Variants in MACROD2 observed in about 807,000 individuals in gnomAD.
MACROD2 encodes ADP-ribose glycohydrolase MACROD2.
MACROD2 carries 36 observed loss-of-function variants against 70.4 expected under a neutral mutation model. The observed-to-expected ratio is 0.51, with a 90% confidence interval of 0.39 to 0.68. The LOEUF is 0.68. Ranked by LOEUF, MACROD2 falls within the 30% of genes least tolerant of loss-of-function variation. The probability of loss-of-function intolerance (pLI) is 0.00; values close to 1 mark genes in which losing one functional copy is unlikely to be tolerated. For missense variants in MACROD2, 496 were observed against 538.4 expected (o/e 0.92, Z 0.78); for synonymous variants, 172 against 178.8 (o/e 0.96, Z 0.30).
At chr20:15,116,024 G>T (rs910496824) in intron 5 of MACROD2, among the ~76,000 whole-genome samples, 1 of 152,170 alleles carries the variant, frequency 6.6e-6, no homozygotes, top group African/African-American at 2.4e-5. Context: ...AAAGTAGAGA[G>T]AAGTACAATT....
chr20:15,556,999 T>C (rs762799273), intron 8 of MACROD2, among the ~76,000 whole-genome samples: 1 of 152,158 alleles, frequency 6.6e-6, no homozygotes, highest in Non-Finnish European at 1.5e-5. Flanking sequence ...AGCTTGACCA[T>C]TGCAAGTAGG....
At chr20:15,663,490 C>T (rs8115945) in intron 8 of MACROD2, among the ~76,000 whole-genome samples, 10,268 of 152,004 alleles carry the variant, frequency 0.068, 619 homozygotes, top group African/African-American at 0.16. Context: ...CCCACCTCGG[C>T]CTCCCAAAGT....
At chr20:15,227,349 C>T (rs1767912949) in intron 5 of MACROD2, among the ~76,000 whole-genome samples, 1 of 151,930 alleles carries the variant, frequency 6.6e-6, no homozygotes, top group African/African-American at 2.4e-5. Context: ...CTTTCTCTCC[C>T]TTATCCCTCC....
intron 3 of MACROD2, among the ~76,000 whole-genome samples, chr20:14,385,280 A>G (rs2083457850): frequency 6.6e-6 from 1 of 152,162 alleles, no homozygotes; most frequent in Admixed American, 6.5e-5. Context: ...TTAGTTATAC[A>G]TGTTATATAC....
intron 5 of MACROD2, among the ~76,000 whole-genome samples, chr20:14,910,039 C>A (rs1438688013): frequency 6.6e-6 from 1 of 152,174 alleles, no homozygotes; most frequent in East Asian, 1.9e-4. Context: ...TTAGCCTCAT[C>A]AAAGTCTCAC....
At chr20:14,980,181 A>G (rs1727666313) in intron 5 of MACROD2, among the ~76,000 whole-genome samples, 1 of 152,190 alleles carries the variant, frequency 6.6e-6, no homozygotes, top group South Asian at 2.1e-4. Flanking sequence ...ATGGGGCCTT[A>G]AAAAGGTTAA....
At chr20:15,315,961 CTATT>C (rs2077805418) in intron 6 of MACROD2, among the ~76,000 whole-genome samples, 2 of 151,762 alleles carry the variant, frequency 1.3e-5, no homozygotes, top group South Asian at 2.1e-4. Flanking sequence ...CTCTTTTTAT[CTATT>C]GAAGCTAAAT....
chr20:14,548,918 T>G (rs1416349122), intron 4 of MACROD2, among the ~76,000 whole-genome samples: 1 of 152,126 alleles, frequency 6.6e-6, no homozygotes, highest in Non-Finnish European at 1.5e-5. Context: ...ACTGGGGAAC[T>G]CTGCACGTGC....
chr20:15,547,178 A>G (rs1568883568), intron 8 of MACROD2, among the ~76,000 whole-genome samples: 1 of 152,180 alleles, frequency 6.6e-6, no homozygotes, highest in African/African-American at 2.4e-5. Context: ...CCTCAAACCA[A>G]TATCTCAGAT....
At position 16,049,942 on chromosome 20, in the gene MACROD2, G is replaced by C; in HGVS notation, c.*66G>C. Reference sequence around the variant, plus strand: ...GCTCGGGAAGATAGCAGCACACGCTGTGGAGGAGGGTGGGGGTGGGGGGAA... The same window carrying C: ...GCTCGGGAAGATAGCAGCACACGCTCTGGAGGAGGGTGGGGGTGGGGGGAA... On this transcript the variant is annotated 3_prime_UTR_variant, in exon 18 of 18. Coordinates refer to ENST00000684519, the MANE Select transcript of MACROD2 (RefSeq NM_001351661.2). 2.0e-6 allele frequency: 2 copies of C among 1,003,740 alleles called. No homozygotes were observed. Among genetic ancestry groups the C allele is most frequent in the Non-Finnish European group, 3.0e-6 (2 of 666,952 alleles). 62.2% of individuals were successfully genotyped at this position (1,003,740 alleles called of 1,614,324 possible).
At position 14,638,362 on chromosome 20, in the gene MACROD2, A is replaced by AT. The variant is rs1212395219; in HGVS notation, c.302-46471dup. Among the ~76,000 whole-genome samples the AT allele has an allele frequency of 6.4e-4, 96 of 150,264 alleles. 1 individual carries two copies. Among genetic ancestry groups the AT allele is most frequent in the Admixed American group, 2.8e-3 (43 of 15,116 alleles). On this transcript the variant is annotated intron_variant, in intron 4 of 17. Transcript: ENST00000684519. ...AGAAAGTCTTTTAAACAGTCCTGGG[A>AT]TTTTTTTTTTCTGCTGCTATCTAGT...
At chr20:14,677,665 G>A (rs977030382) in intron 4 of MACROD2, among the ~76,000 whole-genome samples, 1 of 152,118 alleles carries the variant, frequency 6.6e-6, no homozygotes, top group African/African-American at 2.4e-5. Context: ...TGACCTCAGT[G>A]TTCACCCCAA....
intron 5 of MACROD2, among the ~76,000 whole-genome samples, chr20:15,010,194 T>C (rs1338954249): frequency 1.3e-5 from 2 of 152,196 alleles, no homozygotes; most frequent in Non-Finnish European, 2.9e-5. Flanking sequence ...TCGGACTAAA[T>C]AAATAGCATT....
At chr20:15,250,749 C>T (rs767438370) in intron 6 of MACROD2, among the ~76,000 whole-genome samples, 1 of 152,090 alleles carries the variant, frequency 6.6e-6, no homozygotes, top group Non-Finnish European at 1.5e-5. Flanking sequence ...TCTTCTCTTC[C>T]TTGGGAAAAA....
chr20:15,705,297 T>C (rs2146904364), intron 8 of MACROD2, among the ~76,000 whole-genome samples: 1 of 152,218 alleles, frequency 6.6e-6, no homozygotes, highest in South Asian at 2.1e-4. Flanking sequence ...AGGATTCAGG[T>C]ATTGGTATTT....
chr20:14,789,462 T>TCG (rs60364081), intron 5 of MACROD2, among the ~76,000 whole-genome samples: 3 of 84,908 alleles, frequency 3.5e-5, no homozygotes, highest in African/African-American at 1.5e-4. Flanking sequence ...TAGTGCAAAT[T>TCG]TTTTTTTTTT....
At chr20:14,719,081 G>C (rs893200316) in intron 5 of MACROD2, among the ~76,000 whole-genome samples, 3 of 151,882 alleles carry the variant, frequency 2.0e-5, no homozygotes, top group African/African-American at 7.3e-5. Flanking sequence ...AAAATACAAA[G>C]ATTAGATGGG....
At chr20:15,482,648 T>A (rs757392536) in intron 7 of MACROD2, among the ~76,000 whole-genome samples, 1 of 152,192 alleles carries the variant, frequency 6.6e-6, no homozygotes, top group Non-Finnish European at 1.5e-5. Flanking sequence ...TGACAAACTG[T>A]CTTCTAAAGG....
rs80097461 is a variant in MACROD2 at position 15,556,907 on chromosome 20, C to T, written c.645+57060C>T. ...GTTAGGAAAAAGGGAAGAACTCTTG[C>T]CCTTAGAATCAGTTTCCAACTTTAT... On this transcript the variant is annotated intron_variant, in intron 8 of 17. Transcript: ENST00000684519. Among the ~76,000 whole-genome samples, 1,248 of 152,228 alleles carry T rather than the reference C, an allele frequency of 8.2e-3. 12 individuals are homozygous for T. The highest frequency in any genetic ancestry group is 0.014 in the Non-Finnish European group (976 of 68,020).
Sources: allele counts gnomAD v4.1 joint callset (sites outside exome capture counted in the v4.1 genomes callset), GRCh38; gene constraint gnomAD v4.1.1; transcripts MANE v1.5; gene names NCBI Gene and HGNC (gene_info 2026-07-23, HGNC 2026-07-21).